The following RERG variants were observed in gnomAD, a reference collection of about 807,000 sequenced individuals.
RERG encodes ras-related and estrogen-regulated growth inhibitor.
Under a neutral mutation model 23.2 loss-of-function variants are expected in RERG, and 25 were observed. The ratio of observed to expected loss-of-function variants is 1.08; its 90% CI spans 0.79 to 1.50. RERG has a LOEUF of 1.50. Ranked by LOEUF, RERG falls within the 40% of genes most tolerant of loss-of-function variation. The pLI is 0.00. For synonymous variants in RERG, 81 were observed against 89.1 expected (o/e 0.91, Z 0.51); for missense variants, 253 against 250.1 (o/e 1.01, Z -0.08).
At chr12:15,160,811 C>G (rs17221884) in intron 2 of RERG, among the ~76,000 whole-genome samples, 47,526 of 151,828 alleles carry the variant, frequency 0.31, 8,266 homozygotes, top group Middle Eastern at 0.43. Context: ...GCTCAATAAG[C>G]ATTAAAGCCT....
At chr12:15,149,478 C>T (rs2136106662) in intron 2 of RERG, among the ~76,000 whole-genome samples, 1 of 152,216 alleles carries the variant, frequency 6.6e-6, no homozygotes, top group African/African-American at 2.4e-5. Context: ...AAGCACAAGA[C>T]AGAATTAGTA....
chr12:15,178,870 C>T (rs1230385531), intron 2 of RERG, among the ~76,000 whole-genome samples: 1 of 152,118 alleles, frequency 6.6e-6, no homozygotes, highest in Non-Finnish European at 1.5e-5. Context: ...TCTGGAGTTA[C>T]AACTGTGTTA....
At chr12:15,197,195 A>G (rs1440600174) in intron 2 of RERG, among the ~76,000 whole-genome samples, 1 of 152,214 alleles carries the variant, frequency 6.6e-6, no homozygotes, top group East Asian at 1.9e-4. Context: ...GCAACCAGGA[A>G]GCAGAGAAGC....
At chr12:15,158,187 C>T (rs975238465) in intron 2 of RERG, among the ~76,000 whole-genome samples, 1 of 152,132 alleles carries the variant, frequency 6.6e-6, no homozygotes, top group Non-Finnish European at 1.5e-5. Flanking sequence ...TTACTTTCCT[C>T]TCCTTGGTCC....
intron 2 of RERG, among the ~76,000 whole-genome samples, chr12:15,158,533 C>T (rs978753070): frequency 1.3e-5 from 2 of 152,124 alleles, no homozygotes; most frequent in South Asian, 2.1e-4. Flanking sequence ...CCACCTACCT[C>T]GGCCTCCCAA....
At chr12:15,179,430 A>G (rs573669296) in intron 2 of RERG, among the ~76,000 whole-genome samples, 1 of 152,334 alleles carries the variant, frequency 6.6e-6, no homozygotes, top group South Asian at 2.1e-4. Context: ...TGTTGCCATC[A>G]ATCACTGTTC....
intron 2 of RERG, among the ~76,000 whole-genome samples, chr12:15,140,901 C>T (rs1864227516): frequency 6.6e-6 from 1 of 152,082 alleles, no homozygotes; most frequent in Non-Finnish European, 1.5e-5. Context: ...TTGGTATTTA[C>T]TCTACTTGGT....
At chr12:15,182,202 G>T (rs1261880120) in intron 2 of RERG, among the ~76,000 whole-genome samples, 10 of 151,918 alleles carry the variant, frequency 6.6e-5, no homozygotes. Flanking sequence ...GGGATTACAG[G>T]CATGTGCCAC....
At chr12:15,196,558 A>G (rs938851239) in intron 2 of RERG, among the ~76,000 whole-genome samples, 1 of 152,160 alleles carries the variant, frequency 6.6e-6, no homozygotes, top group African/African-American at 2.4e-5. Flanking sequence ...CCAAGACTGT[A>G]GACCTTGCAC....
intron 2 of RERG, among the ~76,000 whole-genome samples, chr12:15,156,802 G>A (rs1480751697): frequency 6.6e-6 from 1 of 152,224 alleles, no homozygotes. Flanking sequence ...GAAGTCAGGC[G>A]CATTTTCGTG....
At chr12:15,206,618 C>A (rs1865294938) in intron 2 of RERG, among the ~76,000 whole-genome samples, 1 of 151,990 alleles carries the variant, frequency 6.6e-6, no homozygotes, top group Non-Finnish European at 1.5e-5. Context: ...GAGGTGGGGT[C>A]CTGAAACATA....
chr12:15,108,835 G>C lies in RERG; in HGVS notation c.*275C>G. The C allele has an allele frequency of 3.1e-6, 1 of 321,762 alleles. No individual in the cohort carries two copies. Among genetic ancestry groups the C allele is most frequent in the East Asian group, 5.0e-5 (1 of 20,102 alleles). 19.9% of individuals were successfully genotyped at this position (321,762 alleles called of 1,614,324 possible). On this transcript the variant is annotated 3_prime_UTR_variant, in exon 5 of 5. Transcript: ENST00000256953. ...AGCAAGGTGAAGATGCCTAAAAATA[G>C]CTTAACATAAACCAGTCATTTCAGA...
At chr12:15,130,766 A>C (rs1052552328) in intron 2 of RERG, among the ~76,000 whole-genome samples, 15 of 152,224 alleles carry the variant, frequency 9.9e-5, no homozygotes, top group Non-Finnish European at 2.2e-4. Flanking sequence ...GCATTCTCAC[A>C]AAAATATCAT....
At chr12:15,200,778 T>C (rs1229203153) in intron 2 of RERG, among the ~76,000 whole-genome samples, 1 of 152,024 alleles carries the variant, frequency 6.6e-6, no homozygotes, top group Non-Finnish European at 1.5e-5. Context: ...TCCTTAATGT[T>C]GACATGTTAG....
At chr12:15,117,305 C>A (rs1863740354) in intron 3 of RERG, among the ~76,000 whole-genome samples, 1 of 152,140 alleles carries the variant, frequency 6.6e-6, no homozygotes, top group Non-Finnish European at 1.5e-5. Context: ...ATTAAATTTA[C>A]TTCTTGGTAC....
At chr12:15,175,577 T>C (rs910417113) in intron 2 of RERG, among the ~76,000 whole-genome samples, 10 of 152,076 alleles carry the variant, frequency 6.6e-5, no homozygotes, top group Admixed American at 2.0e-4. Flanking sequence ...CTTAGAGCTC[T>C]TGAAAAGCCC....
intron 2 of RERG, among the ~76,000 whole-genome samples, chr12:15,147,672 G>A (rs939935587): frequency 6.6e-6 from 1 of 152,108 alleles, no homozygotes; most frequent in African/African-American, 2.4e-5. Flanking sequence ...TTCAATTAAG[G>A]ATCAGAGCTG....
At position 15,155,567 on chromosome 12, in the gene RERG, G is replaced by A. The variant is rs1478400219; in HGVS notation, c.62-34448C>T. On this transcript the variant is annotated intron_variant, in intron 2 of 4. Transcript: ENST00000256953. ...AATTGAGTAAGAAGAACAGGTAATG[G>A]GGTTGGGCAGAAACTAGGACCTGAA... Among the ~76,000 whole-genome samples the A allele has an allele frequency of 2.6e-5, 4 of 152,290 alleles. No homozygotes were observed. The East Asian group carries it at 5.8e-4, about 22-fold the overall frequency.
At chr12:15,138,810 T>A (rs1864185724) in intron 2 of RERG, among the ~76,000 whole-genome samples, 1 of 151,938 alleles carries the variant, frequency 6.6e-6, no homozygotes, top group Admixed American at 6.6e-5. Flanking sequence ...AAGTTTTAAA[T>A]TTTAATAAAG....
Sources: allele counts gnomAD v4.1 joint callset (sites outside exome capture counted in the v4.1 genomes callset), GRCh38; gene constraint gnomAD v4.1.1; transcripts MANE v1.5; gene names NCBI Gene and HGNC (gene_info 2026-07-23, HGNC 2026-07-21).